The following CCDC171 variants were observed in gnomAD, a reference collection of about 807,000 sequenced individuals.
The protein encoded by CCDC171 is coiled-coil domain-containing protein 171.
A neutral mutation model predicts 168.2 loss-of-function variants in CCDC171; 177 were observed. The observed-to-expected ratio is 1.05, with a 90% CI of 0.93 to 1.19. The LOEUF (loss-of-function observed/expected upper bound fraction) is 1.19. Ranked by LOEUF, CCDC171 falls within the 50% of genes most tolerant of loss-of-function variation. The pLI is 0.00. For synonymous variants in CCDC171, 687 were observed against 540.8 expected (o/e 1.27, Z -3.75); for missense variants, 1,991 against 1,539.0 (o/e 1.29, Z -4.91).
At chr9:15,900,458 T>C (rs1821476002) in intron 24 of CCDC171, among the ~76,000 whole-genome samples, 1 of 152,180 alleles carries the variant, frequency 6.6e-6, no homozygotes, top group Admixed American at 6.5e-5. Context: ...AGGACTCTGC[T>C]TCTCAGGTGA....
chr9:15,845,795 G>C (rs544248259), intron 21 of CCDC171: 2 of 151,984 alleles, frequency 1.3e-5, no homozygotes, highest in Non-Finnish European at 2.9e-5. Flanking sequence ...AAAGGAGTAA[G>C]AAGATTTTTA....
chr9:15,663,939 A>G (rs1347538650), intron 8 of CCDC171, among the ~76,000 whole-genome samples: 1 of 152,116 alleles, frequency 6.6e-6, no homozygotes, highest in African/African-American at 2.4e-5. Flanking sequence ...TTTTGAAAAA[A>G]GAATAAACTC....
intron 9 of CCDC171, among the ~76,000 whole-genome samples, chr9:15,678,073 C>T (rs1038108230): frequency 8.0e-5 from 12 of 150,068 alleles, no homozygotes; most frequent in Non-Finnish European, 1.5e-4. Context: ...CTGTGCTCGG[C>T]TGATATTTAA....
At chr9:15,822,569 A>G (rs1294325058) in intron 21 of CCDC171, among the ~76,000 whole-genome samples, 1 of 152,168 alleles carries the variant, frequency 6.6e-6, no homozygotes, top group African/African-American at 2.4e-5. Flanking sequence ...ATGCAGCCAA[A>G]AAACACATGA....
At chr9:16,005,929 A>G in intron 3 of CCDC171, among the ~76,000 whole-genome samples, 1 of 151,610 alleles carries the variant, frequency 6.6e-6, no homozygotes, top group East Asian at 1.9e-4. Context: ...TTATTTTTTG[A>G]GATGGAGTCT....
chr9:15,576,810 A>C (rs543521636), intron 3 of CCDC171, among the ~76,000 whole-genome samples: 1 of 152,172 alleles, frequency 6.6e-6, no homozygotes, highest in Admixed American at 6.5e-5. Context: ...CTCCTGGAGC[A>C]GACTGCATTT....
rs982643403 is a variant in CCDC171 at position 15,631,225 on chromosome 9, A to G, written c.822+7812A>G. On this transcript the variant is annotated intron_variant, in intron 7 of 25. Transcript: ENST00000380701. ...AAAAAACCCTTCAAAAAATTAATGA[A>G]TCCAGAAGCTGGTTTTTTGAAAAGA... Among the ~76,000 whole-genome samples the G allele has an allele frequency of 8.5e-4, 129 of 152,160 alleles. 1 individual carries two copies. The highest frequency in any genetic ancestry group is 2.8e-3 in the African/African-American group (117 of 41,518).
At position 15,621,044 on chromosome 9, in the gene CCDC171, C is replaced by T. The variant is rs995897638; in HGVS notation, c.676-2223C>T. Among the ~76,000 whole-genome samples the T allele has an allele frequency of 3.3e-5, 5 of 152,316 alleles. No homozygotes were observed. The South Asian group carries it at 8.3e-4, about 25-fold the overall frequency. On this transcript the variant is annotated intron_variant, in intron 6 of 25. Transcript: ENST00000380701. ...GCAGTGGCGTGATCTCGACTCACTG[C>T]AATCTCTGCTTCCTGGGTTCAAGCG...
intron 7 of CCDC171, among the ~76,000 whole-genome samples, chr9:15,630,161 A>G (rs560942888): frequency 8.8e-4 from 134 of 152,338 alleles, no homozygotes; most frequent in Admixed American, 1.6e-3. Flanking sequence ...TGACAGGATC[A>G]AATTCACACA....
At chr9:15,959,902 G>C (rs1021556744) in intron 25 of CCDC171, among the ~76,000 whole-genome samples, 1 of 152,188 alleles carries the variant, frequency 6.6e-6, no homozygotes, top group Non-Finnish European at 1.5e-5. Flanking sequence ...AGTTGTCACA[G>C]TTTTCAGATG....
At chr9:15,666,121 C>G (rs1210341217) in intron 8 of CCDC171, 42 bp from the exon 9 acceptor site, 3 of 1,572,268 alleles carry the variant, frequency 1.9e-6, no homozygotes, top group Non-Finnish European at 2.6e-6. Flanking sequence ...TTGATGCTAG[C>G]ATTTCTTAGC....
intron 16 of CCDC171, 137 bp downstream of exon 16, chr9:15,729,935 A>G: frequency 3.4e-6 from 2 of 589,878 alleles, no homozygotes; most frequent in Admixed American, 2.9e-5. Flanking sequence ...ATACACATAT[A>G]TTTGTTTAGA....
the CCDC171 span, among the ~76,000 whole-genome samples, chr9:16,076,836 C>T: frequency 6.6e-6 from 1 of 152,150 alleles, no homozygotes; most frequent in Non-Finnish European, 1.5e-5. Flanking sequence ...ATATCGTGGG[C>T]CTGCAAAGAC....
intron 21 of CCDC171, among the ~76,000 whole-genome samples, chr9:15,821,279 G>A: frequency 8.5e-6 from 1 of 117,182 alleles, no homozygotes; most frequent in Non-Finnish European, 1.9e-5. Flanking sequence ...ACTGGCACAA[G>A]ACAGGGATGC....
intron 5 of CCDC171, among the ~76,000 whole-genome samples, chr9:15,592,506 C>T (rs370473075): frequency 2.0e-4 from 30 of 152,184 alleles, no homozygotes; most frequent in African/African-American, 6.7e-4. Context: ...ACAGTCATTC[C>T]CAGATGTTGT....
chr9:15,690,108 G>A (rs977935580), intron 10 of CCDC171, among the ~76,000 whole-genome samples: 2 of 152,134 alleles, frequency 1.3e-5, no homozygotes, highest in African/African-American at 2.4e-5. Flanking sequence ...TTAGGCCTGG[G>A]GATAGTGGTG....
At chr9:15,812,197 A>T (rs1444239600) in intron 21 of CCDC171, among the ~76,000 whole-genome samples, 1 of 152,216 alleles carries the variant, frequency 6.6e-6, no homozygotes, top group Non-Finnish European at 1.5e-5. Flanking sequence ...ACTCAGCTCC[A>T]TGGCAAAGAA....
intron 3 of CCDC171, among the ~76,000 whole-genome samples, chr9:15,994,337 C>T (rs1406588061): frequency 1.3e-5 from 2 of 152,046 alleles, no homozygotes; most frequent in African/African-American, 2.4e-5. Context: ...ATTGCAAGGA[C>T]AAAAATCCAA....
intron 4 of CCDC171, among the ~76,000 whole-genome samples, chr9:15,587,926 A>C (rs1383291077): frequency 6.6e-6 from 1 of 152,204 alleles, no homozygotes; most frequent in Non-Finnish European, 1.5e-5. Flanking sequence ...GTTATAAAAG[A>C]TGAAATCTAT....
Sources: gnomAD v4.1 joint callset for allele counts (sites outside exome capture counted in the v4.1 genomes callset) on GRCh38, gnomAD v4.1.1 for gene constraint, MANE v1.5 for transcripts, NCBI Gene and HGNC (gene_info 2026-07-23, HGNC 2026-07-21) for gene names.